INSL6: variants seen among roughly 807,000 people sequenced by gnomAD.
The protein encoded by INSL6 is insulin-like peptide INSL6.
INSL6 carries 16 observed loss-of-function variants against 9.4 expected under a neutral mutation model. The observed-to-expected ratio is 1.70, with a 90% CI of 1.15 to 2.59. The LOEUF (loss-of-function observed/expected upper bound fraction) is 2.59, where lower values mean the gene tolerates loss of function less well. Ranked by LOEUF, INSL6 falls within the 30% of genes most tolerant of loss-of-function variation. The probability of loss-of-function intolerance (pLI) is 0.00; values close to 1 mark genes in which losing one functional copy is unlikely to be tolerated. For missense variants in INSL6, 391 were observed against 257.3 expected (o/e 1.52, Z -3.56); for synonymous variants, 154 against 96.9 (o/e 1.59, Z -3.46).
At chr9:5,098,275 G>A in the INSL6 span, 1 of 152,120 alleles carries the variant, frequency 6.6e-6, no homozygotes, top group Non-Finnish European at 1.5e-5. Context: ...TTCTCGATAA[G>A]ATATTAGCAA....
chr9:5,036,901 AAACTACCATCAG>A, the INSL6 span, among the ~76,000 whole-genome samples: 1 of 152,248 alleles, frequency 6.6e-6, no homozygotes, highest in Admixed American at 6.5e-5. Context: ...ACAGCAAAAG[AAACTACCATCAG>A]AGTGAACAGG....
the INSL6 span, among the ~76,000 whole-genome samples, chr9:5,005,970 G>A: frequency 6.6e-5 from 10 of 152,228 alleles, no homozygotes; most frequent in East Asian, 5.8e-4. Flanking sequence ...TTGACCTGGC[G>A]ATGCAGGCTC....
intron 1 of INSL6, among the ~76,000 whole-genome samples, chr9:5,179,664 A>G (rs140308954): frequency 0.012 from 1,761 of 152,356 alleles, 27 homozygotes; most frequent in African/African-American, 0.041. Flanking sequence ...CTATGCAGCT[A>G]TAAAAAAGAA....
chr9:5,066,786 C>T, the INSL6 span: 2,193 of 1,485,946 alleles, frequency 1.5e-3, 17 homozygotes, highest in African/African-American at 0.026. Flanking sequence ...CTTTTGCTGT[C>T]GAGGTTAGTA....
Position 5,182,836 on chromosome 9 carries a change from C to A in INSL6, c.289+2478G>T, listed in dbSNP as rs537984333. ...ATATGATGTCAACTTCATGGTGCCACATTACGGGGTAGGTCTTGGAGATAC... is the reference window on the plus strand; with the variant it reads ...ATATGATGTCAACTTCATGGTGCCAAATTACGGGGTAGGTCTTGGAGATAC... On this transcript the variant is annotated intron_variant, in intron 1 of 1. Transcript: ENST00000381641. 7.7e-4 allele frequency among the ~76,000 whole-genome samples: 117 copies of A among 152,224 alleles called. 1 individual carries two copies. Among genetic ancestry groups the A allele is most frequent in the Non-Finnish European group, 1.3e-3 (88 of 68,004 alleles).
At chr9:5,043,340 C>T in the INSL6 span, among the ~76,000 whole-genome samples, 3 of 151,976 alleles carry the variant, frequency 2.0e-5, no homozygotes, top group African/African-American at 7.2e-5. Flanking sequence ...ATGAAACCCT[C>T]CGAAAAAAAG....
chr9:5,066,760 A>G, the INSL6 span: 1 of 1,565,862 alleles, frequency 6.4e-7, no homozygotes, highest in Non-Finnish European at 8.6e-7. Context: ...TAAGGACTTT[A>G]ATAAATATTT....
At chr9:5,150,057 A>G (rs1020709068) in intron 2 of INSL6, among the ~76,000 whole-genome samples, 2 of 152,226 alleles carry the variant, frequency 1.3e-5, no homozygotes, top group Admixed American at 6.5e-5. Context: ...CAGAAGAATC[A>G]ATCTGGACTC....
At chr9:5,126,664 GT>G in intron 3 of INSL6, 2 of 1,551,504 alleles carry the variant, frequency 1.3e-6, no homozygotes, top group Non-Finnish European at 1.8e-6. Context: ...TTTAATTTTG[GT>G]TTATTTTCTC....
chr9:4,996,403 G>T, the INSL6 span, among the ~76,000 whole-genome samples: 129 of 152,072 alleles, frequency 8.5e-4, 4 homozygotes, highest in East Asian at 0.017. Context: ...AGCTGAGATC[G>T]TGCCATTGCA....
the INSL6 span, among the ~76,000 whole-genome samples, chr9:5,077,880 G>A: frequency 6.6e-6 from 1 of 152,174 alleles, no homozygotes; most frequent in Non-Finnish European, 1.5e-5. Flanking sequence ...ATGTGCTTCT[G>A]TATTTTTGGG....
chr9:5,151,093 G>T (rs1489628543), intron 2 of INSL6, among the ~76,000 whole-genome samples: 1 of 152,126 alleles, frequency 6.6e-6, no homozygotes, highest in East Asian at 1.9e-4. Context: ...GAAAGAGGAG[G>T]GGGTGGAGGT....
chr9:5,081,666 G>T, the INSL6 span: 3 of 1,265,492 alleles, frequency 2.4e-6, no homozygotes, highest in South Asian at 2.5e-5. Context: ...ATGTATATCA[G>T]TTTAGTCCAG....
chr9:5,130,097 T>C (rs924834912), intron 3 of INSL6, among the ~76,000 whole-genome samples: 3 of 152,108 alleles, frequency 2.0e-5, no homozygotes, highest in African/African-American at 7.3e-5. Flanking sequence ...GTTTTAAAAG[T>C]TGTTAATGAT....
chr9:5,056,606 G>A, the INSL6 span, among the ~76,000 whole-genome samples: 167 of 152,168 alleles, frequency 1.1e-3, no homozygotes, highest in African/African-American at 3.1e-3. Flanking sequence ...GCCTTTTGAA[G>A]GTAAGGATCA....
intron 1 of INSL6, among the ~76,000 whole-genome samples, chr9:5,178,242 C>T (rs1056071514): frequency 1.3e-5 from 2 of 152,150 alleles, no homozygotes; most frequent in Non-Finnish European, 1.5e-5. Flanking sequence ...GGGGCTTCAG[C>T]CACTCCAGCC....
At chr9:5,003,136 GA>G in the INSL6 span, among the ~76,000 whole-genome samples, 3 of 151,820 alleles carry the variant, frequency 2.0e-5, no homozygotes, top group Admixed American at 2.0e-4. Context: ...CTATCTTTAT[GA>G]TAAATCTTGA....
At chr9:5,117,351 A>G in the INSL6 span, among the ~76,000 whole-genome samples, 1 of 152,244 alleles carries the variant, frequency 6.6e-6, no homozygotes, top group Admixed American at 6.5e-5. Flanking sequence ...ATCCAGGGGA[A>G]TAACATGGTG....
chr9:5,081,968 G>A, the INSL6 span: 2 of 869,332 alleles, frequency 2.3e-6, no homozygotes, highest in African/African-American at 3.2e-5. Flanking sequence ...AGTGCTTGTA[G>A]AAAAAAAAGG....
Sources: gnomAD v4.1 joint callset for allele counts (sites outside exome capture counted in the v4.1 genomes callset) on GRCh38, gnomAD v4.1.1 for gene constraint, MANE v1.5 for transcripts, NCBI Gene and HGNC (gene_info 2026-07-23, HGNC 2026-07-21) for gene names.